Variants in ASAP1 observed in about 807,000 individuals in gnomAD.
ASAP1 encodes arf-GAP with SH3 domain, ANK repeat and PH domain-containing protein 1.
ASAP1 carries 43 observed loss-of-function variants against 145.2 expected under a neutral mutation model. The observed-to-expected ratio is 0.30, with a 90% confidence interval of 0.23 to 0.38. ASAP1 has a LOEUF of 0.38. Among genes scored for constraint, ASAP1 ranks in the 10% least tolerant of loss-of-function variants. The pLI is 1.00. For synonymous variants in ASAP1, 546 were observed against 515.5 expected (o/e 1.06, Z -0.80); for missense variants, 1,018 against 1,355.3 (o/e 0.75, Z 3.91).
intron 3 of ASAP1, chr8:130,340,905 C>G (rs939562941): frequency 2.2e-6 from 1 of 456,004 alleles, no homozygotes; most frequent in Non-Finnish European, 4.4e-6. Context: ...CGATGAATGA[C>G]AAAATCTTTC....
At chr8:130,287,170 G>C (rs1821665387) in intron 3 of ASAP1, among the ~76,000 whole-genome samples, 1 of 135,348 alleles carries the variant, frequency 7.4e-6, no homozygotes, top group African/African-American at 2.6e-5. Context: ...AGAGTTCAAG[G>C]ACTGAACTTT....
intron 3 of ASAP1, among the ~76,000 whole-genome samples, chr8:130,276,750 T>G (rs1286063504): frequency 6.6e-6 from 1 of 150,624 alleles, no homozygotes; most frequent in East Asian, 1.9e-4. Context: ...TCTCTCTCTC[T>G]CTCTCTCTCT....
intron 25 of ASAP1, among the ~76,000 whole-genome samples, chr8:130,089,244 G>T (rs1343321504): frequency 6.6e-6 from 1 of 152,190 alleles, no homozygotes; most frequent in African/African-American, 2.4e-5. Context: ...ATTCTAGGTT[G>T]AGGGCATACT....
At chr8:130,322,254 A>G (rs1824053522) in intron 3 of ASAP1, among the ~76,000 whole-genome samples, 1 of 152,062 alleles carries the variant, frequency 6.6e-6, no homozygotes, top group African/African-American at 2.4e-5. Context: ...ATTCATACTC[A>G]GGTTTAGTTA....
chr8:130,314,069 A>G (rs1823522881), intron 3 of ASAP1, among the ~76,000 whole-genome samples: 1 of 152,212 alleles, frequency 6.6e-6, no homozygotes, highest in African/African-American at 2.4e-5. Context: ...ATTATAAATG[A>G]AAGTCTAGAA....
intron 3 of ASAP1, among the ~76,000 whole-genome samples, chr8:130,261,921 T>C (rs973471274): frequency 2.0e-5 from 3 of 152,068 alleles, no homozygotes; most frequent in African/African-American, 7.2e-5. Context: ...ACATATCATA[T>C]ATATATAATA....
intron 3 of ASAP1, among the ~76,000 whole-genome samples, chr8:130,257,970 C>A (rs1586699704): frequency 6.6e-6 from 1 of 152,212 alleles, no homozygotes; most frequent in South Asian, 2.1e-4. Context: ...TGTATAATAT[C>A]TTTTGTAAAT....
At chr8:130,416,031 T>G (rs1361320617) in intron 1 of ASAP1, among the ~76,000 whole-genome samples, 1 of 151,962 alleles carries the variant, frequency 6.6e-6, no homozygotes, top group Non-Finnish European at 1.5e-5. Flanking sequence ...TTCCCCAGAG[T>G]CTAGACTCTC....
intron 24 of ASAP1, among the ~76,000 whole-genome samples, chr8:130,092,592 G>A (rs914746696): frequency 1.2e-4 from 18 of 152,102 alleles, no homozygotes; most frequent in African/African-American, 3.9e-4. Context: ...ATGCCACTGC[G>A]CTCCAGCCTA....
intron 24 of ASAP1, among the ~76,000 whole-genome samples, chr8:130,102,610 T>C (rs1020730381): frequency 9.2e-5 from 14 of 152,222 alleles, no homozygotes; most frequent in Admixed American, 7.2e-4. Context: ...GCTGGCCTCA[T>C]TGGAAGAGTT....
chr8:130,249,636 C>T (rs1170653565), intron 3 of ASAP1, among the ~76,000 whole-genome samples: 1 of 152,098 alleles, frequency 6.6e-6, no homozygotes, highest in Non-Finnish European at 1.5e-5. Context: ...AGAGCACCTG[C>T]CAGGTTATAA....
rs2097395091 is a variant in ASAP1, at chr8:130,052,573, TAG to T, written c.*2156_*2157del. 1 of 152,332 alleles carries T rather than the reference TAG, an allele frequency of 6.6e-6. No individual in the cohort carries two copies. Among genetic ancestry groups the T allele is most frequent in the African/African-American group, 2.4e-5 (1 of 41,356 alleles). 9.4% of individuals were successfully genotyped at this position (152,332 alleles called of 1,614,324 possible). ...TCCTATGTCCCACAGTAAGCTGGGTTAGAGAGAACTCAAATTCCTGATGGAAA... is the reference window on the plus strand; with the variant it reads ...TCCTATGTCCCACAGTAAGCTGGGTTAGAGAACTCAAATTCCTGATGGAAA... On this transcript the variant is annotated 3_prime_UTR_variant, in exon 30 of 30. Transcript: ENST00000518721.
At chr8:130,073,263 GCC>G (rs2097454062) in intron 27 of ASAP1, among the ~76,000 whole-genome samples, 1 of 151,936 alleles carries the variant, frequency 6.6e-6, no homozygotes, top group African/African-American at 2.4e-5. Flanking sequence ...GGTGGTACAT[GCC>G]TGTAATCCCA....
chr8:130,072,290 T>C (rs2097448311), intron 27 of ASAP1, among the ~76,000 whole-genome samples: 1 of 152,168 alleles, frequency 6.6e-6, no homozygotes, highest in African/African-American at 2.4e-5. Flanking sequence ...CCATAATTTC[T>C]ACATGTTGTG....
At chr8:130,287,849 T>A (rs1440814563) in intron 3 of ASAP1, among the ~76,000 whole-genome samples, 1 of 152,184 alleles carries the variant, frequency 6.6e-6, no homozygotes, top group Non-Finnish European at 1.5e-5. Flanking sequence ...TCCCACTCAG[T>A]CTAGCATATA....
intron 5 of ASAP1, among the ~76,000 whole-genome samples, chr8:130,205,384 A>C (rs77240384): frequency 6.8e-6 from 1 of 146,008 alleles, no homozygotes; most frequent in Non-Finnish European, 1.5e-5. Context: ...CCTTATAAGA[A>C]AAAAAAAAAA....
intron 18 of ASAP1, among the ~76,000 whole-genome samples, chr8:130,122,464 G>A (rs1418956919): frequency 6.6e-6 from 1 of 152,198 alleles, no homozygotes; most frequent in East Asian, 1.9e-4. Flanking sequence ...TACTTATACA[G>A]CACTTACTAC....
chr8:130,294,843 G>A (rs1203441444), intron 3 of ASAP1, among the ~76,000 whole-genome samples: 1 of 152,214 alleles, frequency 6.6e-6, no homozygotes, highest in African/African-American at 2.4e-5. Flanking sequence ...GAAGAAAACA[G>A]AAGCCATTAA....
chr8:130,225,785 G>A (rs1817554492), intron 4 of ASAP1, among the ~76,000 whole-genome samples: 1 of 152,182 alleles, frequency 6.6e-6, no homozygotes, highest in Non-Finnish European at 1.5e-5. Flanking sequence ...AAGGAAGTCA[G>A]TGTTTGCTTA....
Sources: gnomAD v4.1 joint callset for allele counts (sites outside exome capture counted in the v4.1 genomes callset) on GRCh38, gnomAD v4.1.1 for gene constraint, MANE v1.5 for transcripts, NCBI Gene and HGNC (gene_info 2026-07-23, HGNC 2026-07-21) for gene names.